SIPA1L2: variants seen among roughly 807,000 people sequenced by gnomAD.
SIPA1L2 encodes signal induced proliferation associated 1 like 2.
SIPA1L2 carries 56 observed loss-of-function variants against 163.9 expected under a neutral mutation model. The observed-to-expected ratio is 0.34, with a 90% CI of 0.28 to 0.43. SIPA1L2 has a LOEUF of 0.43. SIPA1L2 is among the 20% of genes least tolerant of loss of function. SIPA1L2 has a pLI of 1.00. For missense variants in SIPA1L2, 1,974 were observed against 2,193.5 expected (o/e 0.90, Z 2.00); for synonymous variants, 877 against 865.7 (o/e 1.01, Z -0.23).
chr1:232,587,975 T>A (rs1006618239), intron 1 of SIPA1L2, among the ~76,000 whole-genome samples: 1 of 152,196 alleles, frequency 6.6e-6, no homozygotes, highest in African/African-American at 2.4e-5. Flanking sequence ...CATGTGGTAC[T>A]GTGGGTCCAT....
intron 10 of SIPA1L2, among the ~76,000 whole-genome samples, chr1:232,448,968 G>A (rs1479330636): frequency 6.6e-6 from 1 of 152,072 alleles, no homozygotes; most frequent in African/African-American, 2.4e-5. Flanking sequence ...AGGCAGAGAT[G>A]AGACCCAGGG....
At chr1:232,563,890 T>G (rs1205303497) in intron 2 of SIPA1L2, among the ~76,000 whole-genome samples, 1 of 151,976 alleles carries the variant, frequency 6.6e-6, no homozygotes, top group Non-Finnish European at 1.5e-5. Context: ...AATTTTTGTA[T>G]TTTTAGTAGA....
intron 2 of SIPA1L2, among the ~76,000 whole-genome samples, chr1:232,527,725 CTTT>C (rs57868657): frequency 0.017 from 1,390 of 80,866 alleles, 14 homozygotes; most frequent in African/African-American, 0.069. Flanking sequence ...TCTTCTTCTT[CTTT>C]TTTTTTTTTT....
chr1:232,431,635 C>T lies in SIPA1L2; in HGVS notation c.4256+612G>A, dbSNP rs1030557704. On this transcript the variant is annotated intron_variant, in intron 16 of 22. Coordinates refer to ENST00000674635, the MANE Select transcript of SIPA1L2 (RefSeq NM_020808.5). ...CGAAATAAGCAAATAGTTCCTTAGC[C>T]CCAGCCAGCCTTGCTCTGCATTCTT... Among the ~76,000 whole-genome samples the T allele has an allele frequency of 3.3e-5, 5 of 152,274 alleles. No individual in the cohort carries two copies. The East Asian group carries it at 7.7e-4, about 24-fold the overall frequency.
intron 2 of SIPA1L2, among the ~76,000 whole-genome samples, chr1:232,543,856 C>T (rs1657845629): frequency 6.6e-6 from 1 of 151,926 alleles, no homozygotes; most frequent in Non-Finnish European, 1.5e-5. Context: ...TGACAGAGCT[C>T]CACTCTATCT....
intron 10 of SIPA1L2, among the ~76,000 whole-genome samples, chr1:232,446,076 A>G (rs1343816678): frequency 6.6e-6 from 1 of 152,176 alleles, no homozygotes; most frequent in Admixed American, 6.5e-5. Context: ...CTATGCTGGT[A>G]CCTGCTAATA....
chr1:232,560,065 G>A (rs1658945340), intron 2 of SIPA1L2, among the ~76,000 whole-genome samples: 2 of 152,116 alleles, frequency 1.3e-5, no homozygotes, highest in African/African-American at 4.8e-5. Flanking sequence ...CAGAACTGTT[G>A]GACTTTCAGG....
At chr1:232,593,584 G>C (rs1339305776) in intron 1 of SIPA1L2, among the ~76,000 whole-genome samples, 1 of 152,022 alleles carries the variant, frequency 6.6e-6, no homozygotes, top group East Asian at 1.9e-4. Context: ...GATTTGTTAT[G>C]GTTTTGTTCA....
chr1:232,521,208 G>C (rs1320431919), intron 2 of SIPA1L2, among the ~76,000 whole-genome samples: 2 of 152,292 alleles, frequency 1.3e-5, no homozygotes, highest in East Asian at 3.9e-4. Flanking sequence ...CCTATGATCT[G>C]CGAAGGGGAA....
intron 1 of SIPA1L2, among the ~76,000 whole-genome samples, chr1:232,605,791 A>G (rs1437110598): frequency 2.6e-5 from 4 of 152,252 alleles, no homozygotes; most frequent in African/African-American, 9.6e-5. Flanking sequence ...TGTGAAATAC[A>G]ATTTTTACAT....
At chr1:232,402,494 T>C in intron 21 of SIPA1L2, 21 bp from the exon 22 acceptor site, 2 of 1,599,500 alleles carry the variant, frequency 1.3e-6, no homozygotes, top group Non-Finnish European at 1.7e-6. Flanking sequence ...AGGATAGAAT[T>C]AGAAAGATTC....
chr1:232,450,624 G>A (rs539192114), intron 10 of SIPA1L2, among the ~76,000 whole-genome samples: 45 of 152,300 alleles, frequency 3.0e-4, no homozygotes, highest in African/African-American at 9.1e-4. Context: ...TGAAAGGAAC[G>A]TGAACCTTGA....
At chr1:232,462,676 C>T (rs551822767) in intron 9 of SIPA1L2, among the ~76,000 whole-genome samples, 11 of 152,322 alleles carry the variant, frequency 7.2e-5, no homozygotes, top group South Asian at 2.1e-4. Flanking sequence ...AAATTTTGGT[C>T]ACTTCTTTTT....
intron 1 of SIPA1L2, among the ~76,000 whole-genome samples, chr1:232,613,241 C>T (rs951017838): frequency 6.6e-6 from 1 of 152,204 alleles, no homozygotes; most frequent in African/African-American, 2.4e-5. Context: ...TCAGCTTATT[C>T]GTCACCTCTT....
chr1:232,492,633 A>G (rs1572979104), intron 4 of SIPA1L2, among the ~76,000 whole-genome samples: 1 of 152,220 alleles, frequency 6.6e-6, no homozygotes, highest in Non-Finnish European at 1.5e-5. Context: ...TGGGTCCTCA[A>G]TGTAACAAAG....
chr1:232,538,683 AC>A (rs10709833), intron 2 of SIPA1L2, among the ~76,000 whole-genome samples: 5,821 of 135,452 alleles, frequency 0.043, 384 homozygotes, highest in African/African-American at 0.15. Flanking sequence ...GTGTTTTGTG[AC>A]CCCCCCTCCC....
intron 16 of SIPA1L2, among the ~76,000 whole-genome samples, chr1:232,429,277 T>C (rs946260580): frequency 6.6e-6 from 1 of 152,216 alleles, no homozygotes; most frequent in Non-Finnish European, 1.5e-5. Context: ...GCGGCTGCAC[T>C]GTCAGTGGAG....
chr1:232,440,816 C>A (rs1662847645), intron 14 of SIPA1L2, among the ~76,000 whole-genome samples: 2 of 152,214 alleles, frequency 1.3e-5, no homozygotes, highest in African/African-American at 4.8e-5. Flanking sequence ...CACATGGCAA[C>A]ACATGCAAAG....
chr1:232,590,738 T>C (rs1474496683), intron 1 of SIPA1L2, among the ~76,000 whole-genome samples: 1 of 152,150 alleles, frequency 6.6e-6, no homozygotes, highest in Non-Finnish European at 1.5e-5. Flanking sequence ...AAAAAAATTG[T>C]CCTGCAGTGA....
Sources: gnomAD v4.1 joint callset for allele counts (sites outside exome capture counted in the v4.1 genomes callset) on GRCh38, gnomAD v4.1.1 for gene constraint, MANE v1.5 for transcripts, NCBI Gene and HGNC (gene_info 2026-07-23, HGNC 2026-07-21) for gene names.